NSD1: variants seen among roughly 807,000 people sequenced by gnomAD.
NSD1 encodes nuclear receptor binding SET domain protein 1.
In NSD1, 26 loss-of-function variants were observed where a neutral mutation model predicts 242.7. The ratio of observed to expected loss-of-function variants is 0.11; its 90% CI spans 0.08 to 0.15. NSD1 has a LOEUF of 0.15. Among genes scored for constraint, NSD1 ranks in the 10% least tolerant of loss-of-function variants. The probability of loss-of-function intolerance (pLI) is 1.00; values close to 1 mark genes in which losing one functional copy is unlikely to be tolerated. For synonymous variants in NSD1, 1,106 were observed against 1,178.1 expected (o/e 0.94, Z 1.25); for missense variants, 2,495 against 3,272.8 (o/e 0.76, Z 5.80).
chr5:177,267,426 T>C, intron 14 of NSD1, 136 bp from the exon 15 acceptor site: 2 of 768,050 alleles, frequency 2.6e-6, no homozygotes, highest in Admixed American at 4.2e-5. Context: ...CTGGTCATTA[T>C]GTGTCACTGA....
At chr5:177,185,015 C>T (rs1760989326) in intron 2 of NSD1, among the ~76,000 whole-genome samples, 1 of 152,060 alleles carries the variant, frequency 6.6e-6, no homozygotes, top group Admixed American at 6.6e-5. Context: ...TTTATAACAA[C>T]TTAATATTAT....
chr5:177,243,237 T>G (rs1300725119), intron 8 of NSD1, among the ~76,000 whole-genome samples: 1 of 152,198 alleles, frequency 6.6e-6, no homozygotes, highest in Non-Finnish European at 1.5e-5. Flanking sequence ...GCTGTTGTAG[T>G]GCAGTGGCGC....
intron 17 of NSD1, among the ~76,000 whole-genome samples, chr5:177,279,253 G>T (rs999743091): frequency 2.6e-5 from 4 of 152,098 alleles, no homozygotes; most frequent in Non-Finnish European, 4.4e-5. Context: ...AGACCGAGGC[G>T]GGCAGATCAC....
intron 5 of NSD1, among the ~76,000 whole-genome samples, chr5:177,221,505 T>C (rs192626207): frequency 5.3e-4 from 81 of 152,204 alleles, no homozygotes; most frequent in African/African-American, 1.9e-3. Context: ...GGAGTCTTGC[T>C]CTGTTGCCCA....
At chr5:177,166,377 G>C (rs1235004002) in intron 2 of NSD1, among the ~76,000 whole-genome samples, 1 of 151,898 alleles carries the variant, frequency 6.6e-6, no homozygotes. Context: ...GAAAAACCGT[G>C]TCTCTACAAA....
chr5:177,136,128 C>G (rs1273189750), intron 2 of NSD1, 98 bp downstream of exon 2: 1 of 1,030,988 alleles, frequency 9.7e-7, no homozygotes, highest in East Asian at 2.6e-5. Context: ...GGTTGCTTAT[C>G]AGTTCACAGC....
chr5:177,195,499 G>A (rs752154871), intron 3 of NSD1, among the ~76,000 whole-genome samples: 6 of 151,768 alleles, frequency 4.0e-5, no homozygotes, highest in Non-Finnish European at 7.4e-5. Flanking sequence ...TGAGGGTCTC[G>A]TTCTATTGCC....
chr5:177,227,910 T>C (rs1764755937), intron 5 of NSD1, among the ~76,000 whole-genome samples: 1 of 151,134 alleles, frequency 6.6e-6, no homozygotes, highest in Non-Finnish European at 1.5e-5. Context: ...ATTGTGCCAT[T>C]GTACTCTACC....
At chr5:177,278,655 A>G (rs1278813120) in intron 17 of NSD1, among the ~76,000 whole-genome samples, 2 of 152,226 alleles carry the variant, frequency 1.3e-5, no homozygotes, top group Admixed American at 1.3e-4. Context: ...AAAGAATTTA[A>G]TATGTCTACC....
At chr5:177,144,967 C>A (rs1355030505) in intron 2 of NSD1, among the ~76,000 whole-genome samples, 1 of 151,700 alleles carries the variant, frequency 6.6e-6, no homozygotes, top group Non-Finnish European at 1.5e-5. Context: ...TGCCTGTAGT[C>A]CCAGCTACTC....
At chr5:177,251,045 C>G (rs1018072750) in intron 11 of NSD1, among the ~76,000 whole-genome samples, 1 of 152,078 alleles carries the variant, frequency 6.6e-6, no homozygotes, top group Non-Finnish European at 1.5e-5. Flanking sequence ...CAAAAATTAG[C>G]TGGGCATGGT....
At chr5:177,152,151 C>T (rs1463238687) in intron 2 of NSD1, among the ~76,000 whole-genome samples, 1 of 151,494 alleles carries the variant, frequency 6.6e-6, no homozygotes. Context: ...TGAGCCACTG[C>T]ACCTGGCCAT....
chr5:177,149,034 G>A (rs1487700135), intron 2 of NSD1, among the ~76,000 whole-genome samples: 1 of 150,842 alleles, frequency 6.6e-6, no homozygotes. Flanking sequence ...GGCCAGGCTG[G>A]TCTCGAACTC....
At chr5:177,235,238 T>G (rs78264352) in intron 5 of NSD1, among the ~76,000 whole-genome samples, 1 of 152,234 alleles carries the variant, frequency 6.6e-6, no homozygotes, top group South Asian at 2.1e-4. Flanking sequence ...ACACAAACTT[T>G]GTATAATGTA....
chr5:177,190,532 T>G (rs1761579183), intron 2 of NSD1, among the ~76,000 whole-genome samples: 1 of 152,178 alleles, frequency 6.6e-6, no homozygotes, highest in African/African-American at 2.4e-5. Flanking sequence ...TCAAGTTATC[T>G]GCCTACCTCG....
chr5:177,167,160 G>A (rs950332397), intron 2 of NSD1, among the ~76,000 whole-genome samples: 2 of 152,076 alleles, frequency 1.3e-5, no homozygotes, highest in African/African-American at 4.8e-5. Flanking sequence ...TTTTTCCATT[G>A]AATTCAAAAG....
intron 3 of NSD1, among the ~76,000 whole-genome samples, chr5:177,194,350 C>G (rs1007545932): frequency 6.6e-6 from 1 of 151,792 alleles, no homozygotes; most frequent in Non-Finnish European, 1.5e-5. Flanking sequence ...GCCTTGATCT[C>G]CAGGGCTCAA....
At chr5:177,151,692 T>G (rs532559073) in intron 2 of NSD1, among the ~76,000 whole-genome samples, 69 of 150,916 alleles carry the variant, frequency 4.6e-4, no homozygotes, top group African/African-American at 1.6e-3. Context: ...CGTGTCCTTT[T>G]TTTTTTTTTT....
rs773074658 is a variant in NSD1 at position 177,244,184 on chromosome 5, C to T, written c.4303-11C>T. On this transcript the variant is annotated splice_polypyrimidine_tract_variant and intron_variant, in intron 8 of 22. Coordinates refer to ENST00000439151, the MANE Select transcript of NSD1 (RefSeq NM_022455.5). The stretch of plus-strand genomic sequence containing the variant: ...TCCTCTGTAAATGGTGTTGTTTTCA[C>T]TTATTTATAGTGCTATGAAGCTGGT... The T allele has an allele frequency of 5.6e-6, 9 of 1,597,626 alleles. No individual in the cohort carries two copies. In the East Asian group the frequency reaches 2.0e-4, roughly 36 times the overall value.
Sources: allele counts gnomAD v4.1 joint callset (sites outside exome capture counted in the v4.1 genomes callset), GRCh38; gene constraint gnomAD v4.1.1; transcripts MANE v1.5; gene names NCBI Gene and HGNC (gene_info 2026-07-23, HGNC 2026-07-21).